The following AGMO variants were observed in gnomAD, a reference collection of about 807,000 sequenced individuals.
AGMO encodes glyceryl-ether monooxygenase.
Under a neutral mutation model 60.2 loss-of-function variants are expected in AGMO, and 75 were observed. That is an observed-to-expected ratio of 1.25 (90% CI 1.03 to 1.51). The LOEUF (loss-of-function observed/expected upper bound fraction) is 1.51. Ranked by LOEUF, AGMO falls within the 40% of genes most tolerant of loss-of-function variation. The probability of loss-of-function intolerance (pLI) is 0.00; values close to 1 mark genes in which losing one functional copy is unlikely to be tolerated. For synonymous variants in AGMO, 261 were observed against 177.1 expected, an observed-to-expected ratio of 1.47 and a Z score of -3.76; for missense variants, 763 against 525.5, an observed-to-expected ratio of 1.45 and a Z score of -4.42.
chr7:15,254,602 A>C (rs1049267177), intron 12 of AGMO, among the ~76,000 whole-genome samples: 41 of 152,188 alleles, frequency 2.7e-4, no homozygotes, highest in Non-Finnish European at 4.6e-4. Flanking sequence ...GAGATGCTTG[A>C]GTTCCTTATA....
intron 5 of AGMO, among the ~76,000 whole-genome samples, chr7:15,410,291 A>G (rs916033761): frequency 6.6e-6 from 1 of 151,822 alleles, no homozygotes; most frequent in African/African-American, 2.4e-5. Flanking sequence ...GATTCTCACA[A>G]ATGTCTGTGG....
chr7:15,117,280 A>C, the AGMO span, among the ~76,000 whole-genome samples: 2 of 152,038 alleles, frequency 1.3e-5, no homozygotes, highest in Non-Finnish European at 2.9e-5. Flanking sequence ...GGATGATAGG[A>C]GGGTAATAAC....
At chr7:15,220,024 G>C (rs999181752) in intron 12 of AGMO, among the ~76,000 whole-genome samples, 2 of 151,682 alleles carry the variant, frequency 1.3e-5, no homozygotes, top group African/African-American at 2.4e-5. Flanking sequence ...AATCCCACCC[G>C]TCCTTGAAGG....
chr7:15,307,868 T>TC, intron 12 of AGMO, among the ~76,000 whole-genome samples: 2 of 152,180 alleles, frequency 1.3e-5, no homozygotes, highest in East Asian at 1.9e-4. Context: ...GACCCATACC[T>TC]CCTTCATATC....
intron 4 of AGMO, among the ~76,000 whole-genome samples, chr7:15,418,958 T>A (rs951842314): frequency 2.0e-5 from 3 of 151,956 alleles, no homozygotes; most frequent in African/African-American, 7.2e-5. Context: ...ATTAAAGGGA[T>A]GTTTTATGTA....
intron 3 of AGMO, among the ~76,000 whole-genome samples, chr7:15,455,261 G>A (rs1387620753): frequency 6.6e-6 from 1 of 151,934 alleles, no homozygotes. Flanking sequence ...TCCACATTTG[G>A]TTTATGTTGG....
chr7:15,257,234 G>A (rs1783124582), intron 12 of AGMO, among the ~76,000 whole-genome samples: 1 of 151,974 alleles, frequency 6.6e-6, no homozygotes, highest in Non-Finnish European at 1.5e-5. Context: ...TGGAATAAGT[G>A]GCTAAGAAAG....
chr7:15,474,533 T>A (rs1180595156), intron 3 of AGMO, among the ~76,000 whole-genome samples: 1 of 152,116 alleles, frequency 6.6e-6, no homozygotes, highest in East Asian at 1.9e-4. Context: ...TTAAACTTTA[T>A]ACAAAAATTA....
chr7:15,474,044 A>C (rs2128514030), intron 3 of AGMO, among the ~76,000 whole-genome samples: 1 of 152,290 alleles, frequency 6.6e-6, no homozygotes, highest in Non-Finnish European at 1.5e-5. Context: ...GCTCAAGGAA[A>C]CCAGAGAGGA....
At chr7:15,362,501 T>G (rs1435019802) in intron 12 of AGMO, among the ~76,000 whole-genome samples, 3 of 152,216 alleles carry the variant, frequency 2.0e-5, no homozygotes, top group African/African-American at 7.2e-5. Flanking sequence ...TATCAATTTC[T>G]TCCTATGTTC....
chr7:15,497,646 TA>T (rs1282573094), intron 3 of AGMO, among the ~76,000 whole-genome samples: 1 of 152,022 alleles, frequency 6.6e-6, no homozygotes, highest in Non-Finnish European at 1.5e-5. Context: ...CTATTAACAC[TA>T]AAGCTCACAC....
chr7:15,271,856 G>C (rs1255966463), intron 12 of AGMO, among the ~76,000 whole-genome samples: 1 of 152,096 alleles, frequency 6.6e-6, no homozygotes, highest in African/African-American at 2.4e-5. Flanking sequence ...TGACTGGTTT[G>C]TGGAGGGTTT....
At chr7:15,398,101 C>T (rs561552099) in intron 5 of AGMO, among the ~76,000 whole-genome samples, 1 of 152,146 alleles carries the variant, frequency 6.6e-6, no homozygotes, top group South Asian at 2.1e-4. Context: ...TCTTTGGTGC[C>T]CAACATGTGT....
intron 12 of AGMO, among the ~76,000 whole-genome samples, chr7:15,267,742 C>T (rs116470145): frequency 6.6e-6 from 1 of 151,798 alleles, no homozygotes; most frequent in Non-Finnish European, 1.5e-5. Flanking sequence ...CATTGAAGAG[C>T]AGTGATTACA....
At chr7:15,157,590 G>A in the AGMO span, among the ~76,000 whole-genome samples, 2 of 152,156 alleles carry the variant, frequency 1.3e-5, no homozygotes, top group African/African-American at 4.8e-5. Flanking sequence ...TGTAGACACA[G>A]AGGCAACAGC....
chr7:15,186,012 G>A, the AGMO span, among the ~76,000 whole-genome samples: 1 of 152,138 alleles, frequency 6.6e-6, no homozygotes, highest in African/African-American at 2.4e-5. Context: ...TACAAGTGCT[G>A]TAGACTAAAA....
intron 12 of AGMO, among the ~76,000 whole-genome samples, chr7:15,209,099 G>C (rs945857567): frequency 3.3e-5 from 5 of 152,184 alleles, no homozygotes; most frequent in Non-Finnish European, 5.9e-5. Flanking sequence ...ATGACTGGCA[G>C]TGTCGCCCAT....
intron 3 of AGMO, among the ~76,000 whole-genome samples, chr7:15,543,888 T>C (rs1289910784): frequency 6.6e-6 from 1 of 151,754 alleles, no homozygotes; most frequent in Non-Finnish European, 1.5e-5. Context: ...CCACACTGTT[T>C]TCCATAGTCA....
chr7:15,506,278 C>CT lies in AGMO; in HGVS notation c.409+38493dup, dbSNP rs11339519. Among the ~76,000 whole-genome samples, 101 of 151,570 alleles carry CT rather than the reference C, an allele frequency of 6.7e-4. 2 individuals are homozygous for CT. The highest frequency in any genetic ancestry group is 3.4e-3 in the Middle Eastern group (1 of 294). On this transcript the variant is annotated intron_variant, in intron 3 of 12. Transcript: ENST00000342526. ...TTATCTACCTTTCTAATTACTATTACTTTTTTTTTACAAATAAGGAAACTG... is the reference window on the plus strand; with the variant it reads ...TTATCTACCTTTCTAATTACTATTACTTTTTTTTTTACAAATAAGGAAACTG...
Sources: gnomAD v4.1 joint callset for allele counts (sites outside exome capture counted in the v4.1 genomes callset) on GRCh38, gnomAD v4.1.1 for gene constraint, MANE v1.5 for transcripts, NCBI Gene and HGNC (gene_info 2026-07-23, HGNC 2026-07-21) for gene names.